Variants in RAB33B observed in about 807,000 individuals in gnomAD.
The protein encoded by RAB33B is RAB33B, member RAS oncogene family, also known as ras-related protein Rab-33B.
Under a neutral mutation model 15.0 loss-of-function variants are expected in RAB33B, and 6 were observed. The ratio of observed to expected loss-of-function variants is 0.40; its 90% CI spans 0.22 to 0.79. RAB33B has a LOEUF of 0.79. Ranked by LOEUF, RAB33B falls within the 30% of genes least tolerant of loss-of-function variation. The pLI is 0.37. For synonymous variants in RAB33B, 117 were observed against 108.3 expected, an observed-to-expected ratio of 1.08 and a Z score of -0.50; for missense variants, 257 against 296.4, an observed-to-expected ratio of 0.87 and a Z score of 0.98.
chr4:139,465,094 G>T (rs975435563), intron 1 of RAB33B, among the ~76,000 whole-genome samples: 1 of 152,184 alleles, frequency 6.6e-6, no homozygotes, highest in African/African-American at 2.4e-5. Context: ...ACTGGTGTGA[G>T]ATGGTATCTC....
the RAB33B span, among the ~76,000 whole-genome samples, chr4:139,448,183 A>T: frequency 6.6e-6 from 1 of 152,156 alleles, no homozygotes; most frequent in African/African-American, 2.4e-5. Flanking sequence ...TCCAGAAAGG[A>T]CTACAAATGG....
Position 139,454,622 on chromosome 4 carries a change from C to T in RAB33B, c.249+178C>T, listed in dbSNP as rs116144683. Among the ~76,000 whole-genome samples the T allele has an allele frequency of 5.6e-3, 846 of 152,330 alleles. 11 individuals are homozygous for T. Among genetic ancestry groups the T allele is most frequent in the African/African-American group, 0.02 (811 of 41,570 alleles). ...TGCAAACTTCTAAGGCAGCGTTTCTCAGACTTCATTGTGCATGCGATTTAC... is the reference window on the plus strand; with the variant it reads ...TGCAAACTTCTAAGGCAGCGTTTCTTAGACTTCATTGTGCATGCGATTTAC... On this transcript the variant is annotated intron_variant, in intron 1 of 1. Transcript: ENST00000305626.
upstream of RAB33B, chr4:139,453,764 C>G (rs1467430802): frequency 6.4e-6 from 1 of 155,092 alleles, no homozygotes; most frequent in African/African-American, 2.4e-5. Context: ...TACCTCCTTC[C>G]TCTCAGTTGT....
At position 139,458,051 on chromosome 4, in the gene RAB33B, T is replaced by C. The variant is rs76222497; in HGVS notation, c.249+3607T>C. Reference sequence around the variant, plus strand: ...CTCAATTAATCTATTTTGTACATTGTTGCCAAAATGCCCGATTAATGTTGT... The same window carrying C: ...CTCAATTAATCTATTTTGTACATTGCTGCCAAAATGCCCGATTAATGTTGT... On this transcript the variant is annotated intron_variant, in intron 1 of 1. Transcript: ENST00000305626. 8.5e-3 allele frequency among the ~76,000 whole-genome samples: 1,294 copies of C among 152,348 alleles called. 20 individuals carry two copies. The highest frequency in any genetic ancestry group is 0.03 in the African/African-American group (1,239 of 41,578).
chr4:139,456,811 A>G (rs527374532), intron 1 of RAB33B, among the ~76,000 whole-genome samples: 1 of 152,312 alleles, frequency 6.6e-6, no homozygotes, highest in East Asian at 1.9e-4. Flanking sequence ...ATTTTTTAAA[A>G]CCACAGAGCT....
the RAB33B span, among the ~76,000 whole-genome samples, chr4:139,447,112 G>A: frequency 6.6e-6 from 1 of 152,148 alleles, no homozygotes; most frequent in Admixed American, 6.5e-5. Context: ...TCTGACCAAG[G>A]CACTCACTTT....
At chr4:139,463,739 T>C (rs1223869717) in intron 1 of RAB33B, among the ~76,000 whole-genome samples, 3 of 152,202 alleles carry the variant, frequency 2.0e-5, no homozygotes, top group Non-Finnish European at 4.4e-5. Flanking sequence ...CTCTAGCCTT[T>C]TATGGTCAAC....
chr4:139,448,619 T>G (rs1288278203), upstream of RAB33B: 1 of 152,158 alleles, frequency 6.6e-6, no homozygotes, highest in Non-Finnish European at 1.5e-5. Context: ...ATTTTTAGTA[T>G]GTTGGCCAGG....
the RAB33B span, among the ~76,000 whole-genome samples, chr4:139,442,358 T>C: frequency 2.4e-3 from 373 of 152,324 alleles, 2 homozygotes; most frequent in African/African-American, 8.3e-3. Flanking sequence ...GAATGGTATA[T>C]AATCAAACAA....
At chr4:139,446,479 C>T in the RAB33B span, among the ~76,000 whole-genome samples, 1 of 152,134 alleles carries the variant, frequency 6.6e-6, no homozygotes, top group African/African-American at 2.4e-5. Context: ...TGGGCTGTAG[C>T]TAATGGTTTG....
chr4:139,454,527 GGT>G, intron 1 of RAB33B, 83 bp downstream of exon 1: 2 of 1,460,298 alleles, frequency 1.4e-6, no homozygotes, highest in Non-Finnish European at 1.8e-6. Flanking sequence ...CCGTGTGCAC[GGT>G]GTGTGTGCGC....
intron 1 of RAB33B, among the ~76,000 whole-genome samples, chr4:139,456,132 T>A (rs117176423): frequency 1.3e-5 from 2 of 152,348 alleles, no homozygotes; most frequent in East Asian, 3.9e-4. Flanking sequence ...TCATAGTTGG[T>A]GCCTTTAAAA....
At chr4:139,469,806 C>T (rs1273962476) in intron 1 of RAB33B, among the ~76,000 whole-genome samples, 1 of 152,180 alleles carries the variant, frequency 6.6e-6, no homozygotes, top group African/African-American at 2.4e-5. Flanking sequence ...TACTACCAGG[C>T]AGAGATGCGT....
chr4:139,455,367 T>A (rs959862185), intron 1 of RAB33B, among the ~76,000 whole-genome samples: 1 of 152,150 alleles, frequency 6.6e-6, no homozygotes, highest in South Asian at 2.1e-4. Context: ...CTGCTTTAAA[T>A]CAGCGATCGT....
intron 1 of RAB33B, among the ~76,000 whole-genome samples, chr4:139,456,535 T>C (rs1445628686): frequency 1.3e-5 from 2 of 152,228 alleles, no homozygotes; most frequent in Non-Finnish European, 2.9e-5. Context: ...ACCACAGGTA[T>C]GACGAATCTG....
At chr4:139,442,814 T>C in the RAB33B span, among the ~76,000 whole-genome samples, 2 of 152,234 alleles carry the variant, frequency 1.3e-5, no homozygotes, top group African/African-American at 4.8e-5. Context: ...CCATTAGTTC[T>C]TTCCCTCTAG....
chr4:139,467,880 T>G (rs1051506445), intron 1 of RAB33B, among the ~76,000 whole-genome samples: 1 of 151,322 alleles, frequency 6.6e-6, no homozygotes, highest in Non-Finnish European at 1.5e-5. Context: ...CCAATTACAT[T>G]ATTTATTTAA....
Position 139,474,429 on chromosome 4 carries a change from C to T in RAB33B, c.*1303C>T, listed in dbSNP as rs4074940. The T allele has an allele frequency of 0.19, 29,418 of 152,064 alleles. 3,214 individuals are homozygous for T. The highest frequency in any genetic ancestry group is 0.25 in the Non-Finnish European group (17,063 of 67,988). 9.4% of individuals were successfully genotyped at this position (152,064 alleles called of 1,614,324 possible). A position where few individuals can be genotyped will look rare whatever the true frequency, so the allele number is the denominator to read the frequency against. ...CTTTACTAATTTCAAGCAGTGTATCCCATATGGTATCTCTTGCTCTTCCTT... is the reference window on the plus strand; with the variant it reads ...CTTTACTAATTTCAAGCAGTGTATCTCATATGGTATCTCTTGCTCTTCCTT... On this transcript the variant is annotated 3_prime_UTR_variant, in exon 2 of 2. Coordinates refer to ENST00000305626, the MANE Select transcript of RAB33B (RefSeq NM_031296.3).
At chr4:139,461,228 C>G (rs191302499) in intron 1 of RAB33B, among the ~76,000 whole-genome samples, 254 of 152,184 alleles carry the variant, frequency 1.7e-3, no homozygotes, top group African/African-American at 5.1e-3. Context: ...AGACGTAGGT[C>G]ACATGCCCTC....
Sources: gnomAD v4.1 joint callset for allele counts (sites outside exome capture counted in the v4.1 genomes callset) on GRCh38, gnomAD v4.1.1 for gene constraint, MANE v1.5 for transcripts, NCBI Gene and HGNC (gene_info 2026-07-23, HGNC 2026-07-21) for gene names.